The following CDC20B variants were observed in gnomAD, a reference collection of about 807,000 sequenced individuals.
CDC20B encodes the protein cell division cycle 20B.
CDC20B carries 58 observed loss-of-function variants against 64.1 expected under a neutral mutation model. That is an observed-to-expected ratio of 0.90 (90% CI 0.73 to 1.13). CDC20B has a LOEUF of 1.13. Among genes scored for constraint, CDC20B ranks in the 50% most tolerant of loss-of-function variants. The pLI is 0.00. For missense variants in CDC20B, 597 were observed against 633.0 expected, an observed-to-expected ratio of 0.94 and a Z score of 0.61; for synonymous variants, 243 against 230.6, an observed-to-expected ratio of 1.05 and a Z score of -0.49.
At chr5:55,167,531 C>T (rs1744454379) in intron 2 of CDC20B, among the ~76,000 whole-genome samples, 1 of 151,898 alleles carries the variant, frequency 6.6e-6, no homozygotes, top group African/African-American at 2.4e-5. Context: ...CAATCTACCA[C>T]TGGTTTAGTA....
At position 55,133,483 on chromosome 5, in the gene CDC20B, G is replaced by A; in HGVS notation, c.626C>T (p.Ser209Phe). ...GAGTATGGAATCGTTTATATCACCAGAACTTTTAAGATGGAAGGATTCATC... is the reference window on the plus strand; with the variant it reads ...GAGTATGGAATCGTTTATATCACCAAAACTTTTAAGATGGAAGGATTCATC... ...VRDESFHLKS[S>F]GDINDSILQP... The change falls in exon 6 of 12, where the codon TCT becomes TTT. Residue 209 changes from serine (S) to phenylalanine (F), a missense_variant. By Grantham distance (155) the Ser-to-Phe change is radical. Around this residue, in one of 3 missense-constraint regions of CDC20B, gnomAD observed 353 missense variants for 397.0 expected, o/e 0.89. Transcript: ENST00000381375. The A allele has an allele frequency of 6.3e-7, 1 of 1,578,768 alleles. No homozygotes were observed. Among genetic ancestry groups the A allele is most frequent in the Non-Finnish European group, 8.6e-7 (1 of 1,156,336 alleles).
chr5:55,164,210 G>C, intron 2 of CDC20B: 1 of 1,536,336 alleles, frequency 6.5e-7, no homozygotes, highest in Non-Finnish European at 8.8e-7. Context: ...AAAGAAAGAG[G>C]ATCTATGAGA....
intron 5 of CDC20B, chr5:55,137,308 A>C (rs910666646): frequency 6.1e-6 from 2 of 325,712 alleles, no homozygotes; most frequent in African/African-American, 2.2e-5. Context: ...AACGCTCACA[A>C]CACCACCATC....
At chr5:55,142,355 C>T (rs928730345) in intron 4 of CDC20B, among the ~76,000 whole-genome samples, 3 of 152,110 alleles carry the variant, frequency 2.0e-5, no homozygotes, top group African/African-American at 2.4e-5. Flanking sequence ...AAAATGCTCT[C>T]CTTAACACCA....
chr5:55,164,164 T>C (rs763243171), intron 2 of CDC20B: 1 of 1,597,504 alleles, frequency 6.3e-7, no homozygotes, highest in South Asian at 1.1e-5. Context: ...TCATCAGGCC[T>C]GACATAGCAG....
At chr5:55,162,633 A>G (rs1744138428) in intron 2 of CDC20B, among the ~76,000 whole-genome samples, 1 of 152,244 alleles carries the variant, frequency 6.6e-6, no homozygotes, top group African/African-American at 2.4e-5. Flanking sequence ...TATAATGCCT[A>G]ACGCCATAAA....
chr5:55,151,781 A>G (rs192664327), intron 2 of CDC20B, among the ~76,000 whole-genome samples: 74 of 152,320 alleles, frequency 4.9e-4, no homozygotes, highest in Non-Finnish European at 9.0e-4. Context: ...CAACTCCTTC[A>G]GGAAGGTGTC....
chr5:55,126,864 G>A (rs1379213348), intron 8 of CDC20B, among the ~76,000 whole-genome samples: 1 of 152,076 alleles, frequency 6.6e-6, no homozygotes, highest in Non-Finnish European at 1.5e-5. Context: ...AATTTCTGTG[G>A]GTCTATGAAT....
At chr5:55,160,469 T>C in intron 2 of CDC20B, 1 of 1,229,242 alleles carries the variant, frequency 8.1e-7, no homozygotes, top group South Asian at 1.4e-5. Flanking sequence ...ATAAAATCAA[T>C]TTTTTGCTGT....
At chr5:55,161,169 G>C in intron 2 of CDC20B, 1 of 1,614,154 alleles carries the variant, frequency 6.2e-7, no homozygotes, top group Non-Finnish European at 8.5e-7. Context: ...TCTTTTGCAA[G>C]AAAAAACTAC....
chr5:55,121,393 C>G lies in CDC20B; in HGVS notation c.1216-843G>C, dbSNP rs182291907. 2.4e-3 allele frequency among the ~76,000 whole-genome samples: 366 copies of G among 152,238 alleles called. 2 individuals are homozygous for G. The highest frequency in any genetic ancestry group is 8.3e-3 in the African/African-American group (345 of 41,536). On this transcript the variant is annotated intron_variant, in intron 9 of 11. Coordinates refer to ENST00000381375, the MANE Select transcript of CDC20B (RefSeq NM_001170402.1). The stretch of plus-strand genomic sequence containing the variant: ...TAATTTTTAACAATCCCATAATATT[C>G]CATCGTGTCGTTATATCCTGATTAA...
chr5:55,172,009 A>T (rs1276972357), intron 2 of CDC20B, among the ~76,000 whole-genome samples: 1 of 152,222 alleles, frequency 6.6e-6, no homozygotes, highest in Non-Finnish European at 1.5e-5. Context: ...GAGCCTAGAG[A>T]GAAGCATGGT....
intron 5 of CDC20B, among the ~76,000 whole-genome samples, chr5:55,134,302 C>A (rs968507358): frequency 6.6e-6 from 1 of 152,150 alleles, no homozygotes; most frequent in African/African-American, 2.4e-5. Flanking sequence ...GAGAGCTTCA[C>A]AATGCTACAC....
At chr5:55,137,462 G>A (rs1322702541) in intron 5 of CDC20B, 2 of 443,578 alleles carry the variant, frequency 4.5e-6, no homozygotes, top group African/African-American at 2.0e-5. Context: ...ATTTGTCCCC[G>A]TGATCCACTG....
At chr5:55,153,606 C>T (rs915257021) in intron 2 of CDC20B, among the ~76,000 whole-genome samples, 2 of 60,262 alleles carry the variant, frequency 3.3e-5, no homozygotes, top group East Asian at 5.0e-4. Context: ...TAAATCCCCC[C>T]GGGGTGGACT....
chr5:55,130,956 T>C (rs1303832433), intron 6 of CDC20B, among the ~76,000 whole-genome samples: 2 of 151,874 alleles, frequency 1.3e-5, no homozygotes, highest in Non-Finnish European at 2.9e-5. Context: ...ACCCCATCTC[T>C]ATAAAAAATC....
chr5:55,141,669 C>T (rs1216683874), intron 4 of CDC20B, among the ~76,000 whole-genome samples: 1 of 152,180 alleles, frequency 6.6e-6, no homozygotes, highest in Non-Finnish European at 1.5e-5. Flanking sequence ...TGACAGACAA[C>T]ATTTTGGTAT....
At chr5:55,162,922 GC>G (rs1393157701) in intron 2 of CDC20B, among the ~76,000 whole-genome samples, 2 of 152,116 alleles carry the variant, frequency 1.3e-5, no homozygotes, top group Non-Finnish European at 2.9e-5. Context: ...GGAGTAAAAG[GC>G]CCGTATATCA....
chr5:55,129,120 G>C (rs1364128698), intron 6 of CDC20B, among the ~76,000 whole-genome samples: 1 of 152,120 alleles, frequency 6.6e-6, no homozygotes, highest in Non-Finnish European at 1.5e-5. Flanking sequence ...ACTGCTAAGA[G>C]AAAACATATT....
Sources: allele counts gnomAD v4.1 joint callset (sites outside exome capture counted in the v4.1 genomes callset), GRCh38; gene constraint gnomAD v4.1.1; regional missense constraint gnomAD v4.1.1; transcripts MANE v1.5; gene names NCBI Gene and HGNC (gene_info 2026-07-23, HGNC 2026-07-21).